TMIGD2: variants seen among roughly 807,000 people sequenced by gnomAD.
TMIGD2 encodes transmembrane and immunoglobulin domain-containing protein 2.
In TMIGD2, 18 loss-of-function variants were observed where a neutral mutation model predicts 22.6. The ratio of observed to expected loss-of-function variants is 0.80; its 90% CI spans 0.55 to 1.18. The LOEUF (loss-of-function observed/expected upper bound fraction) is 1.18, where lower values mean the gene tolerates loss of function less well. Among genes scored for constraint, TMIGD2 ranks in the 50% most tolerant of loss-of-function variants. The probability of loss-of-function intolerance (pLI) is 0.00; values close to 1 mark genes in which losing one functional copy is unlikely to be tolerated. For synonymous variants in TMIGD2, 184 were observed against 154.1 expected (o/e 1.19, Z -1.44); for missense variants, 361 against 378.2 (o/e 0.95, Z 0.38).
At chr19:4,301,573 G>A (rs1246705473) in intron 1 of TMIGD2, among the ~76,000 whole-genome samples, 2 of 152,226 alleles carry the variant, frequency 1.3e-5, no homozygotes, top group African/African-American at 4.8e-5. Flanking sequence ...GGGAGCCTGA[G>A]GCAGGAGAAT....
At chr19:4,301,042 G>A (rs1024105181) in intron 1 of TMIGD2, among the ~76,000 whole-genome samples, 3 of 151,784 alleles carry the variant, frequency 2.0e-5, no homozygotes, top group African/African-American at 4.8e-5. Flanking sequence ...GTGTGATCTC[G>A]GCTCATTGCA....
At chr19:4,294,779 G>A in exon 3 of TMIGD2, 1 of 1,587,608 alleles carries the variant, frequency 6.3e-7, no homozygotes, top group Non-Finnish European at 8.6e-7. Context: ...GCTCACCTGG[G>A]AAGCTTGCGA....
intron 2 of TMIGD2, among the ~76,000 whole-genome samples, chr19:4,297,074 CTTTTTTT>C (rs71166981): frequency 9.5e-6 from 1 of 105,234 alleles, no homozygotes; most frequent in Non-Finnish European, 1.8e-5. Context: ...GAGTCTGTGG[CTTTTTTT>C]TTTTTTTTTT....
intron 2 of TMIGD2, among the ~76,000 whole-genome samples, chr19:4,295,337 G>A (rs1971448555): frequency 6.6e-6 from 1 of 150,912 alleles, no homozygotes; most frequent in South Asian, 2.1e-4. Flanking sequence ...GAGGTAGGCG[G>A]ATCACAAGGT....
Position 4,298,353 on chromosome 19 carries a change from A to G in TMIGD2, c.47-8T>C. The G allele has an allele frequency of 6.4e-7, 1 of 1,557,814 alleles. No homozygotes were observed. The highest frequency in any genetic ancestry group is 8.6e-7 in the Non-Finnish European group (1 of 1,156,440). On this transcript the variant is annotated splice_polypyrimidine_tract_variant and splice_region_variant and intron_variant, in intron 1 of 4. Coordinates refer to ENST00000301272, the Ensembl canonical transcript of TMIGD2. The stretch of plus-strand genomic sequence containing the variant: ...TTGAGGCTTCTTGCAGGGCTGGAGG[A>G]CAGAAGAGGTAGAGGCGACCTTTCT...
rs754913242 is a variant in TMIGD2 at position 4,294,566 on chromosome 19, C to T, written c.562+1G>A. 3 of 1,611,986 alleles carry T rather than the reference C, an allele frequency of 1.9e-6. No individual in the cohort carries two copies. The highest frequency in any genetic ancestry group is 2.5e-6 in the Non-Finnish European group (3 of 1,179,268). ...ACCTCCTCCGCCCTACCCTCCCTTA[C>T]CTGGGCTGTTACCTGAGTCCCTTTG... On this transcript the variant is annotated splice_donor_variant, in intron 4 of 4. Coordinates refer to ENST00000301272, the Ensembl canonical transcript of TMIGD2. LOFTEE classifies it high-confidence loss of function.
chr19:4,301,847 T>TTTG, intron 1 of TMIGD2, among the ~76,000 whole-genome samples: 1 of 152,144 alleles, frequency 6.6e-6, no homozygotes, highest in Admixed American at 6.5e-5. Context: ...GAGTAGAAAG[T>TTTG]CTGCTTTTAG....
Position 4,300,343 on chromosome 19 carries a change from G to A in TMIGD2, c.46+1997C>T, listed in dbSNP as rs1716987861. Reference sequence around the variant, plus strand: ...GGAGGCAGAGGCGGGCGGATCACGAGGTCAGGAGATCAAGACCATCCTGCC... The same window carrying A: ...GGAGGCAGAGGCGGGCGGATCACGAAGTCAGGAGATCAAGACCATCCTGCC... On this transcript the variant is annotated intron_variant, in intron 1 of 4. Coordinates refer to ENST00000301272, the Ensembl canonical transcript of TMIGD2. 1.3e-5 allele frequency among the ~76,000 whole-genome samples: 2 copies of A among 151,510 alleles called. 1 individual carries two copies. The highest frequency in any genetic ancestry group is 4.9e-5 in the African/African-American group (2 of 41,084).
chr19:4,293,512 G>A (rs963166920), intron 4 of TMIGD2, among the ~76,000 whole-genome samples: 20 of 151,288 alleles, frequency 1.3e-4, no homozygotes, highest in African/African-American at 3.9e-4. Context: ...CGCCCGCCGT[G>A]GCCTCCCAAA....
rs369187371 is a variant in TMIGD2 at position 4,292,768 on chromosome 19, G to A, written c.680C>T (p.Pro227Leu). 40 of 1,611,252 alleles carry A rather than the reference G, an allele frequency of 2.5e-5. No homozygotes were observed. The highest frequency in any genetic ancestry group is 4.4e-5 in the South Asian group (4 of 90,892). Residue 227 changes from proline to leucine, a missense_variant, in exon 5 of 5, where the codon CCG becomes CTG. By Grantham distance (98) the Pro-to-Leu change is moderately conservative (BLOSUM62 -3). Coordinates refer to ENST00000301272, the Ensembl canonical transcript of TMIGD2. ...GTGCGGCTGGCGGGGGGCCGGTTGC[G>A]GGAAGGAGGTTGAATAAATGCTCTG...
chr19:4,296,949 G>A (rs1057071468), intron 2 of TMIGD2, among the ~76,000 whole-genome samples: 4 of 152,220 alleles, frequency 2.6e-5, no homozygotes, highest in African/African-American at 4.8e-5. Flanking sequence ...CCCCTGCCTG[G>A]TGCATAACGC....
intron 4 of TMIGD2, among the ~76,000 whole-genome samples, chr19:4,293,453 G>A (rs937290773): frequency 6.7e-6 from 1 of 149,862 alleles, no homozygotes; most frequent in African/African-American, 2.5e-5. Context: ...GCAGAGATGG[G>A]GTTTCACCAC....
intron 1 of TMIGD2, among the ~76,000 whole-genome samples, chr19:4,301,944 A>C (rs929406409): frequency 1.3e-5 from 2 of 152,126 alleles, no homozygotes; most frequent in Admixed American, 1.3e-4. Context: ...ATTGCAGAGG[A>C]GGGTAGAGAC....
rs889096066 is a variant in TMIGD2, at chr19:4,302,374, CG to C, written c.11del (p.Pro4ArgfsTer20). 6.4e-7 allele frequency: 1 copy of C among 1,569,902 alleles called. No homozygotes were observed. Among genetic ancestry groups the C allele is most frequent in the Non-Finnish European group, 8.6e-7 (1 of 1,156,376 alleles). On this transcript the variant is annotated frameshift_variant, in exon 1 of 5. Transcript: ENST00000301272. LOFTEE classifies it high-confidence loss of function. ...GCACCAGGAGGCCCAGCACCATGCC[CG>C]GGGACCCCATTCCTGGCCCATCACC...
chr19:4,300,707 G>A (rs958134643), intron 1 of TMIGD2, among the ~76,000 whole-genome samples: 3 of 152,208 alleles, frequency 2.0e-5, no homozygotes, highest in Non-Finnish European at 4.4e-5. Flanking sequence ...GGAAGGTATT[G>A]GGGGGTAAGA....
intron 1 of TMIGD2, among the ~76,000 whole-genome samples, chr19:4,301,911 AAGTTCCTGGCATTTG>A (rs1342386177): frequency 6.6e-6 from 1 of 152,142 alleles, no homozygotes; most frequent in Non-Finnish European, 1.5e-5. Flanking sequence ...AGGTTATGTG[AAGTTCCTGGCATTTG>A]AGATGCAATT....
At chr19:4,296,142 C>T (rs1270859682) in intron 2 of TMIGD2, among the ~76,000 whole-genome samples, 1 of 152,162 alleles carries the variant, frequency 6.6e-6, no homozygotes, top group African/African-American at 2.4e-5. Context: ...TGGTCTCGAC[C>T]TCCTGGCCTC....
At chr19:4,296,824 C>A (rs997724068) in intron 2 of TMIGD2, among the ~76,000 whole-genome samples, 11 of 152,190 alleles carry the variant, frequency 7.2e-5, no homozygotes, top group Non-Finnish European at 1.5e-4. Context: ...CCGGGGCCCA[C>A]AGGCACCTCT....
intron 4 of TMIGD2, 147 bp from the exon 5 acceptor site, chr19:4,293,032 C>A: frequency 8.2e-7 from 1 of 1,219,586 alleles, no homozygotes; most frequent in Non-Finnish European, 1.1e-6. Context: ...GGCGCAATCT[C>A]GGCTCACTGC....
Sources: gnomAD v4.1 joint callset for allele counts (sites outside exome capture counted in the v4.1 genomes callset) on GRCh38, gnomAD v4.1.1 for gene constraint, MANE v1.5 for transcripts, NCBI Gene and HGNC (gene_info 2026-07-23, HGNC 2026-07-21) for gene names.